The following RPL28 variants were observed in gnomAD, a reference collection of about 807,000 sequenced individuals.
RPL28 encodes large ribosomal subunit protein eL28.
In RPL28, 4 loss-of-function variants were observed where a neutral mutation model predicts 12.5. The ratio of observed to expected loss-of-function variants is 0.32; its 90% CI spans 0.16 to 0.73. RPL28 has a LOEUF of 0.73. Among genes scored for constraint, RPL28 ranks in the 30% least tolerant of loss-of-function variants. The probability of loss-of-function intolerance (pLI) is 0.66; values close to 1 mark genes in which losing one functional copy is unlikely to be tolerated. For missense variants in RPL28, 214 were observed against 197.7 expected (o/e 1.08, Z -0.49); for synonymous variants, 91 against 72.5 (o/e 1.26, Z -1.30).
rs905729662 is a variant in RPL28 at position 55,388,981 on chromosome 19, G to T, written c.*649G>T. 2.0e-6 allele frequency: 2 copies of T among 985,452 alleles called. No homozygotes were observed. Among genetic ancestry groups the T allele is most frequent in the African/African-American group, 1.7e-5 (1 of 57,302 alleles). 61.0% of individuals were successfully genotyped at this position (985,452 alleles called of 1,614,324 possible). A position where few individuals can be genotyped will look rare whatever the true frequency, so the allele number is the denominator to read the frequency against. On this transcript the variant is annotated 3_prime_UTR_variant, in exon 5 of 5. Coordinates refer to ENST00000344063, the MANE Select transcript of RPL28 (RefSeq NM_000991.5). Reference sequence around the variant, plus strand: ...TTGTCCCCCTACTCCCGTCCTCCAGGTGTCCCCATCCCTCCCCTGTCTCTT... The same window carrying T: ...TTGTCCCCCTACTCCCGTCCTCCAGTTGTCCCCATCCCTCCCCTGTCTCTT...
intron 3 of RPL28, chr19:55,387,321 C>T (rs1157165599): frequency 6.4e-7 from 1 of 1,551,706 alleles, no homozygotes; most frequent in Non-Finnish European, 8.7e-7. Flanking sequence ...GGAACTGCCT[C>T]AGAGCCAAGG....
chr19:55,401,130 CA>C lies in RPL28; in HGVS notation c.325-1810del, dbSNP rs369651553. 827 of 454,002 alleles carry C rather than the reference CA, an allele frequency of 1.8e-3. 10 individuals are homozygous for C. Among genetic ancestry groups the C allele is most frequent in the African/African-American group, 0.015 (755 of 49,392 alleles). The allele number at this position is 454,002 out of a possible 1,614,324, so 28.1% of individuals were successfully genotyped here. Reference sequence around the variant, plus strand: ...CCTCCACAGAACAAAGAGGTGGACCCAAACCTCAAACAGCAAGGCTGGTGAG... The same window carrying C: ...CCTCCACAGAACAAAGAGGTGGACCCAACCTCAAACAGCAAGGCTGGTGAG... On this transcript the variant is annotated intron_variant, in intron 4 of 4. Coordinates refer to the RPL28 transcript ENST00000560055.
rs2089980381 is a variant in RPL28, at chr19:55,390,501, T to C, written c.*2169T>C. On this transcript the variant is annotated 3_prime_UTR_variant, in exon 5 of 5. Transcript: ENST00000344063. ...ATTACAGGCGCTCGAGGCTTTCTGA[T>C]GTGGCTGCTGCTGCTCAGAAGGCCT... 1.0e-6 allele frequency: 1 copy of C among 985,494 alleles called. No individual in the cohort carries two copies. The allele number at this position is 985,494 out of a possible 1,614,324, so 61.0% of individuals were successfully genotyped here. A position where few individuals can be genotyped will look rare whatever the true frequency, so the allele number is the denominator to read the frequency against.
chr19:55,402,952 A>C lies in RPL28; in HGVS notation c.334A>C (p.Arg112=), dbSNP rs1014958741. The stretch of plus-strand genomic sequence containing the variant: ...CTTTTTTTTTTTTCAGCTTGCGGGA[A>C]GGGTTGGGAGGCAGCAGGCTGTAAG... Residue 112 remains arginine, a synonymous_variant, in exon 5 of 5, where the codon AGG becomes CGG. Coordinates refer to the RPL28 transcript ENST00000560055. 3 of 1,522,452 alleles carry C rather than the reference A, an allele frequency of 2.0e-6. No homozygotes were observed. In the Admixed American group the frequency reaches 6.3e-5, roughly 32 times the overall value. 94.3% of individuals were successfully genotyped at this position (1,522,452 alleles called of 1,614,324 possible). A position where few individuals can be genotyped will look rare whatever the true frequency, so the allele number is the denominator to read the frequency against.
At chr19:55,394,900 C>G (rs1192283206), downstream of RPL28, among the ~76,000 whole-genome samples, 1 of 151,862 alleles carries the variant, frequency 6.6e-6, no homozygotes, top group Non-Finnish European at 1.5e-5. Context: ...TGTTTTGGGC[C>G]AATCTCTAAA....
Position 55,391,578 on chromosome 19 carries a change from G to C in RPL28, c.*3246G>C. 1.9e-6 allele frequency: 3 copies of C among 1,546,962 alleles called. No homozygotes were observed. The highest frequency in any genetic ancestry group is 1.7e-6 in the Non-Finnish European group (2 of 1,143,060). On this transcript the variant is annotated 3_prime_UTR_variant, in exon 5 of 5. Transcript: ENST00000344063. ...GGACATGCTGGCATCTACTGGGTCA[G>C]GGCTCTGCTGCTCGGTGGCTGTGCA... is the stretch of plus-strand genomic sequence containing the variant.
At chr19:55,387,319 C>T in intron 3 of RPL28, 5 of 1,551,732 alleles carry the variant, frequency 3.2e-6, no homozygotes, top group South Asian at 1.2e-5. Context: ...TTGGAACTGC[C>T]TCAGAGCCAA....
At position 55,388,825 on chromosome 19, in the gene RPL28, A is replaced by G; in HGVS notation, c.*493A>G. ...GCATCCAGGGAGTGGGTGCAGCCAC[A>G]TTTGGAGGGGATGGGCTTTACTTGA... On this transcript the variant is annotated 3_prime_UTR_variant, in exon 5 of 5. Transcript: ENST00000344063. 2 of 988,250 alleles carry G rather than the reference A, an allele frequency of 2.0e-6. No individual in the cohort carries two copies. Among genetic ancestry groups the G allele is most frequent in the Non-Finnish European group, 1.2e-6 (1 of 831,914 alleles). The allele number at this position is 988,250 out of a possible 1,614,324, so 61.2% of individuals were successfully genotyped here.
chr19:55,397,892 A>G (rs1202449093), intron 4 of RPL28, among the ~76,000 whole-genome samples: 1 of 151,956 alleles, frequency 6.6e-6, no homozygotes, highest in African/African-American at 2.4e-5. Flanking sequence ...TGTGTCCTAT[A>G]GAGTCAGAAA....
Position 55,388,883 on chromosome 19 carries a change from G to A in RPL28, c.*551G>A. On this transcript the variant is annotated 3_prime_UTR_variant, in exon 5 of 5. Coordinates refer to ENST00000344063, the MANE Select transcript of RPL28 (RefSeq NM_000991.5). ...TCATCTCTGAGATGGGCAACTTGGT[G>A]GGTGGTGGCTTATAACTGTAAGGGA... 1 of 985,904 alleles carries A rather than the reference G, an allele frequency of 1.0e-6. No individual in the cohort carries two copies. The highest frequency in any genetic ancestry group is 1.7e-5 in the African/African-American group (1 of 57,360). The allele number at this position is 985,904 out of a possible 1,614,324, so 61.1% of individuals were successfully genotyped here.
At chr19:55,387,083 C>A in intron 3 of RPL28, 2 of 1,418,462 alleles carry the variant, frequency 1.4e-6, no homozygotes, top group Non-Finnish European at 1.9e-6. Flanking sequence ...TAGGAGGGGA[C>A]AGGCTGGGTT....
At chr19:55,398,962 A>C (rs2090039303) in intron 4 of RPL28, among the ~76,000 whole-genome samples, 1 of 152,138 alleles carries the variant, frequency 6.6e-6, no homozygotes, top group African/African-American at 2.4e-5. Context: ...TTGGCCTCCC[A>C]AAATGCTGGG....
At chr19:55,393,496 CT>C (rs2090004709), downstream of RPL28, among the ~76,000 whole-genome samples, 1 of 152,114 alleles carries the variant, frequency 6.6e-6, no homozygotes, top group African/African-American at 2.4e-5. Flanking sequence ...GATTTTTAGT[CT>C]TCACAAAGCT....
Position 55,388,443 on chromosome 19 carries a change from C to T in RPL28, c.*111C>T, listed in dbSNP as rs983824410. ...CTGGCCCTGTGTGTTGTCATTCAGGCCATGTCATCAAAACTCTGCATGTCA... is the reference window on the plus strand; with the variant it reads ...CTGGCCCTGTGTGTTGTCATTCAGGTCATGTCATCAAAACTCTGCATGTCA... On this transcript the variant is annotated 3_prime_UTR_variant, in exon 5 of 5. Transcript: ENST00000344063. 1 of 1,361,646 alleles carries T rather than the reference C, an allele frequency of 7.3e-7. No individual in the cohort carries two copies. The highest frequency in any genetic ancestry group is 2.9e-5 in the East Asian group (1 of 33,980). 84.3% of individuals were successfully genotyped at this position (1,361,646 alleles called of 1,614,324 possible).
At chr19:55,402,787 AG>A (rs924919855) in intron 4 of RPL28, among the ~76,000 whole-genome samples, 2 of 152,196 alleles carry the variant, frequency 1.3e-5, no homozygotes, top group African/African-American at 4.8e-5. Context: ...CCCCAGGGGA[AG>A]GGAGGCGGTA....
downstream of RPL28, among the ~76,000 whole-genome samples, chr19:55,393,018 C>G (rs1407387655): frequency 6.6e-6 from 1 of 152,028 alleles, no homozygotes; most frequent in East Asian, 1.9e-4. Flanking sequence ...GCTAATCCCC[C>G]AGAGGCTCCC....
At chr19:55,387,527 G>A (rs1170726047) in intron 3 of RPL28, 1 of 1,435,392 alleles carries the variant, frequency 7.0e-7, no homozygotes, top group Non-Finnish European at 9.1e-7. Flanking sequence ...GCCTGAGTGA[G>A]GCTGGGCCTC....
At position 55,387,286 on chromosome 19, in the gene RPL28, G is replaced by C. The variant is rs967623239; in HGVS notation, c.205+593G>C. ...GACAGGGCTGTATTTTCTTTTTAGA[G>C]TGAGTTTTTCTCAGGTCCTTGATTG... is the stretch of plus-strand genomic sequence containing the variant. On this transcript the variant is annotated intron_variant, in intron 3 of 4. Transcript: ENST00000344063. The C allele has an allele frequency of 1.9e-6, 3 of 1,551,686 alleles. No individual in the cohort carries two copies. The East Asian group carries it at 7.3e-5, about 38-fold the overall frequency.
chr19:55,390,643 C>T lies in RPL28; in HGVS notation c.*2311C>T. The stretch of plus-strand genomic sequence containing the variant: ...GAATCCTCCCTGCTGTGTGGCCTCC[C>T]CTGGTCTCATCCGTAACACAGCCCA... On this transcript the variant is annotated 3_prime_UTR_variant, in exon 5 of 5. Transcript: ENST00000344063. 1.0e-6 allele frequency: 1 copy of T among 985,598 alleles called. No homozygotes were observed. The highest frequency in any genetic ancestry group is 1.2e-6 in the Non-Finnish European group (1 of 830,048). The allele number at this position is 985,598 out of a possible 1,614,324, so 61.1% of individuals were successfully genotyped here. A position where few individuals can be genotyped will look rare whatever the true frequency, so the allele number is the denominator to read the frequency against.
Sources: gnomAD v4.1 joint callset for allele counts (sites outside exome capture counted in the v4.1 genomes callset) on GRCh38, gnomAD v4.1.1 for gene constraint, MANE v1.5 for transcripts, NCBI Gene and HGNC (gene_info 2026-07-23, HGNC 2026-07-21) for gene names.